The following USP31 variants were observed in gnomAD, a reference collection of about 807,000 sequenced individuals.
USP31 encodes the protein ubiquitin carboxyl-terminal hydrolase 31.
A neutral mutation model predicts 119.4 loss-of-function variants in USP31; 44 were observed. The ratio of observed to expected loss-of-function variants is 0.37; its 90% CI spans 0.29 to 0.47. USP31 has a LOEUF of 0.47. Ranked by LOEUF, USP31 falls within the 20% of genes least tolerant of loss-of-function variation. The probability of loss-of-function intolerance (pLI) is 0.99; values close to 1 mark genes in which losing one functional copy is unlikely to be tolerated. For synonymous variants in USP31, 749 were observed against 705.6 expected (o/e 1.06, Z -0.97); for missense variants, 1,643 against 1,730.2 (o/e 0.95, Z 0.89).
intron 13 of USP31, among the ~76,000 whole-genome samples, chr16:23,078,436 G>A (rs1900681296): frequency 6.6e-6 from 1 of 152,026 alleles, no homozygotes; most frequent in African/African-American, 2.4e-5. Context: ...TCACTGTGCT[G>A]CTGTGCTTCT....
intron 1 of USP31, among the ~76,000 whole-genome samples, chr16:23,111,614 G>C (rs143701869): frequency 1.0e-3 from 157 of 152,306 alleles, no homozygotes; most frequent in African/African-American, 3.0e-3. Context: ...TCAACAGATG[G>C]GGGGTGGTGG....
At chr16:23,088,488 T>C (rs1901212175) in intron 7 of USP31, among the ~76,000 whole-genome samples, 1 of 152,212 alleles carries the variant, frequency 6.6e-6, no homozygotes, top group Non-Finnish European at 1.5e-5. Flanking sequence ...GGTTCTAATA[T>C]GCAGCCAATG....
Position 23,149,253 on chromosome 16 carries a change from C to A in USP31, c.18G>T (p.Ala6=). ...CCGCCGCCGGCGGCCCGGACCCAGG[C>A]GCCGTTACCTTGGACATGGCGGCGG... MSKVT[A]PGSGPPAAAS... is the part of the protein sequence containing the mutation. The change falls in exon 1 of 16, where the codon GCG becomes GCT. Residue 6 remains alanine (A), a synonymous_variant. Coordinates refer to ENST00000219689, the MANE Select transcript of USP31 (RefSeq NM_020718.4). 1.9e-5 allele frequency: 21 copies of A among 1,109,406 alleles called. No individual in the cohort carries two copies. The highest frequency in any genetic ancestry group is 2.2e-5 in the Non-Finnish European group (20 of 910,564). The allele number at this position is 1,109,406 out of a possible 1,614,324, so 68.7% of individuals were successfully genotyped here. A position where few individuals can be genotyped will look rare whatever the true frequency, so the allele number is the denominator to read the frequency against.
chr16:23,096,574 T>C (rs534896363), intron 6 of USP31, among the ~76,000 whole-genome samples: 16 of 152,310 alleles, frequency 1.1e-4, no homozygotes, highest in Admixed American at 2.0e-4. Context: ...TATTCTAAAA[T>C]TGACCACATA....
Position 23,062,481 on chromosome 16 carries a change from G to GCAAAA in USP31, c.*5560_*5564dup, listed in dbSNP as rs1451162147. The GCAAAA allele has an allele frequency of 6.6e-6, 1 of 152,450 alleles. No individual in the cohort carries two copies. Among genetic ancestry groups the GCAAAA allele is most frequent in the Non-Finnish European group, 1.5e-5 (1 of 68,022 alleles). 9.4% of individuals were successfully genotyped at this position (152,450 alleles called of 1,614,324 possible). A position where few individuals can be genotyped will look rare whatever the true frequency, so the allele number is the denominator to read the frequency against. The stretch of plus-strand genomic sequence containing the variant: ...GGATAAGAACTATCCTAGAGAATGA[G>GCAAAA]CAAAAGTAGGAAATTCAGCGGCAGC... On this transcript the variant is annotated 3_prime_UTR_variant, in exon 16 of 16. Coordinates refer to ENST00000219689, the MANE Select transcript of USP31 (RefSeq NM_020718.4).
chr16:23,101,573 T>C (rs1485008892), intron 6 of USP31, among the ~76,000 whole-genome samples: 1 of 152,180 alleles, frequency 6.6e-6, no homozygotes, highest in Non-Finnish European at 1.5e-5. Context: ...AGGGCTTGTT[T>C]ACCAGAGTTT....
intron 1 of USP31, among the ~76,000 whole-genome samples, chr16:23,133,761 T>C (rs1903100612): frequency 6.6e-6 from 1 of 152,150 alleles, no homozygotes; most frequent in South Asian, 2.1e-4. Context: ...CCCAAATTAA[T>C]GCATATATTT....
intron 13 of USP31, 56 bp from the exon 14 acceptor site, chr16:23,073,936 C>A (rs762114212): frequency 1.9e-6 from 3 of 1,609,624 alleles, no homozygotes; most frequent in Non-Finnish European, 2.5e-6. Context: ...CCACTTCATG[C>A]GACCCACAGA....
chr16:23,084,325 A>G (rs1900993618), intron 11 of USP31, among the ~76,000 whole-genome samples: 1 of 152,216 alleles, frequency 6.6e-6, no homozygotes, highest in Non-Finnish European at 1.5e-5. Context: ...CTACCTGCGA[A>G]GCCTTGCTGT....
Position 23,064,251 on chromosome 16 carries a change from TCAGTA to T in USP31, c.*3790_*3794del. 6.5e-6 allele frequency: 1 copy of T among 152,740 alleles called. No individual in the cohort carries two copies. The highest frequency in any genetic ancestry group is 2.1e-4 in the South Asian group (1 of 4,822). 9.5% of individuals were successfully genotyped at this position (152,740 alleles called of 1,614,324 possible). A position where few individuals can be genotyped will look rare whatever the true frequency, so the allele number is the denominator to read the frequency against. On this transcript the variant is annotated 3_prime_UTR_variant, in exon 16 of 16. Transcript: ENST00000219689. ...CATTGGAAACAATCACTTCGGCTGT[TCAGTA>T]ATTTGTCCGAATGAAATGTAACGTC... is the stretch of plus-strand genomic sequence containing the variant.
At chr16:23,127,373 C>A (rs570702053) in intron 1 of USP31, among the ~76,000 whole-genome samples, 5 of 151,946 alleles carry the variant, frequency 3.3e-5, no homozygotes, top group Non-Finnish European at 5.9e-5. Context: ...GAGCTATGAT[C>A]GCATCACTGA....
chr16:23,086,764 T>C (rs1901127710), intron 9 of USP31, among the ~76,000 whole-genome samples: 2 of 152,200 alleles, frequency 1.3e-5, no homozygotes, highest in South Asian at 4.1e-4. Flanking sequence ...AGTTGCCATA[T>C]AAGGGTTTTA....
rs1899924660 is a variant in USP31, at chr16:23,063,254, G to GT, written c.*4791dup. 1 of 152,232 alleles carries GT rather than the reference G, an allele frequency of 6.6e-6. No individual in the cohort carries two copies. The highest frequency in any genetic ancestry group is 6.5e-5 in the Admixed American group (1 of 15,286). The allele number at this position is 152,232 out of a possible 1,614,324, so 9.4% of individuals were successfully genotyped here. A position where few individuals can be genotyped will look rare whatever the true frequency, so the allele number is the denominator to read the frequency against. On this transcript the variant is annotated 3_prime_UTR_variant, in exon 16 of 16. Coordinates refer to ENST00000219689, the MANE Select transcript of USP31 (RefSeq NM_020718.4). ...AAAAATTGGGAAACACTAAACAAATGTAAGATGGATCTAGAACCGAATCCA... is the reference window on the plus strand; with the variant it reads ...AAAAATTGGGAAACACTAAACAAATGTTAAGATGGATCTAGAACCGAATCCA...
At chr16:23,080,748 A>C (rs1476639299) in intron 12 of USP31, among the ~76,000 whole-genome samples, 2 of 152,224 alleles carry the variant, frequency 1.3e-5, no homozygotes, top group East Asian at 3.8e-4. Flanking sequence ...TAATGACTGA[A>C]TGTTTCCTGT....
intron 1 of USP31, among the ~76,000 whole-genome samples, chr16:23,125,255 C>G (rs1038980149): frequency 6.6e-6 from 1 of 152,160 alleles, no homozygotes; most frequent in African/African-American, 2.4e-5. Flanking sequence ...GCTCAGTGAC[C>G]TGCCCAAGAT....
intron 6 of USP31, among the ~76,000 whole-genome samples, chr16:23,092,788 A>T (rs1901426959): frequency 6.6e-6 from 1 of 152,218 alleles, no homozygotes; most frequent in Non-Finnish European, 1.5e-5. Flanking sequence ...GTAAGCTGGC[A>T]TTGGAGAAAG....
rs750012609 is a variant in USP31, at chr16:23,068,531, C to T, written c.3574G>A (p.Ala1192Thr). Reference protein sequence around the residue: ...SQARAGEGRGAGKHVRSSSMA... With the variant: ...SQARAGEGRGTGKHVRSSSMA... ...GAGGAGCTCCGCACGTGCTTCCCGGCCCCCCTGCCCTCCCCTGCTCGGGCC... is the reference window on the plus strand; with the variant it reads ...GAGGAGCTCCGCACGTGCTTCCCGGTCCCCCTGCCCTCCCCTGCTCGGGCC... The change falls in exon 16 of 16, where the codon GCC becomes ACC. Residue 1192 changes from alanine (A) to threonine (T), a missense_variant. By Grantham distance (58) the Ala-to-Thr change is moderately conservative (BLOSUM62 0). Around this residue, in one of 5 missense-constraint regions of USP31, gnomAD observed 699 missense variants for 650.9 expected, o/e 1.07. Coordinates refer to ENST00000219689, the MANE Select transcript of USP31 (RefSeq NM_020718.4). The T allele has an allele frequency of 4.3e-6, 7 of 1,613,296 alleles. No homozygotes were observed. The African/African-American group carries it at 8.0e-5, about 18-fold the overall frequency.
chr16:23,147,149 C>A (rs545877701), intron 1 of USP31, among the ~76,000 whole-genome samples: 1 of 152,288 alleles, frequency 6.6e-6, no homozygotes, highest in East Asian at 1.9e-4. Flanking sequence ...TTTCCTGTTG[C>A]CCAGGCTGGA....
chr16:23,148,887 C>G lies in USP31; in HGVS notation c.384G>C (p.Ala128=). The change falls in exon 1 of 16, where the codon GCG becomes GCC. Residue 128 remains alanine, a synonymous_variant. Coordinates refer to ENST00000219689, the MANE Select transcript of USP31 (RefSeq NM_020718.4). The part of the protein sequence containing the change: ...ACAAEPVPGV[A]GLRNHGNTCF... ...ACGTGTTGCCGTGGTTGCGGAGCCCCGCCACGCCGGGCACCGGCTCGGCGG... is the reference window on the plus strand; with the variant it reads ...ACGTGTTGCCGTGGTTGCGGAGCCCGGCCACGCCGGGCACCGGCTCGGCGG... The G allele has an allele frequency of 6.9e-7, 1 of 1,458,582 alleles. No individual in the cohort carries two copies. Among genetic ancestry groups the G allele is most frequent in the Non-Finnish European group, 9.1e-7 (1 of 1,097,714 alleles). The allele number at this position is 1,458,582 out of a possible 1,614,324, so 90.4% of individuals were successfully genotyped here.
Sources: allele counts gnomAD v4.1 joint callset (sites outside exome capture counted in the v4.1 genomes callset), GRCh38; gene constraint gnomAD v4.1.1; regional missense constraint gnomAD v4.1.1; transcripts MANE v1.5; gene names NCBI Gene and HGNC (gene_info 2026-07-23, HGNC 2026-07-21).